The following ZP3 variants were observed in gnomAD, a reference collection of about 807,000 sequenced individuals.
ZP3 encodes the protein zona pellucida glycoprotein 3, also known as zona pellucida sperm-binding protein 3.
In ZP3, 21 loss-of-function variants were observed where a neutral mutation model predicts 35.6. That is an observed-to-expected ratio of 0.59 (90% CI 0.42 to 0.85). ZP3 has a LOEUF of 0.85. Among genes scored for constraint, ZP3 ranks in the 40% least tolerant of loss-of-function variants. The probability of loss-of-function intolerance (pLI) is 0.00; values close to 1 mark genes in which losing one functional copy is unlikely to be tolerated. For synonymous variants in ZP3, 207 were observed against 214.5 expected, an observed-to-expected ratio of 0.96 and a Z score of 0.31; for missense variants, 437 against 536.5, an observed-to-expected ratio of 0.81 and a Z score of 1.83.
intron 1 of ZP3, among the ~76,000 whole-genome samples, chr7:76,403,722 C>G (rs1462775485): frequency 2.0e-5 from 3 of 151,684 alleles, no homozygotes; most frequent in African/African-American, 7.3e-5. Context: ...AGTGCAGTGG[C>G]GTGATCTTGG....
chr7:76,404,341 G>C (rs751387322), intron 1 of ZP3: 10 of 1,612,060 alleles, frequency 6.2e-6, no homozygotes, highest in Non-Finnish European at 8.5e-6. Flanking sequence ...ACAGGGCTTG[G>C]GGGAGGAAGG....
In ZP3 at chr7:76,440,270, G is replaced by A. The variant is rs1321292873; in HGVS notation, c.852G>A (p.Leu284=). Residue 284 remains leucine (L), a synonymous_variant, in exon 6 of 8, where the codon CTG becomes CTA. Transcript: ENST00000394857. ...SRNMIYITCH[L]KVTLAEQDPD... The stretch of plus-strand genomic sequence containing the variant: ...TGCAGATATACATCACCTGCCACCT[G>A]AAGGTCACCCTAGCTGAGCAGGACC... The A allele has an allele frequency of 6.2e-7, 1 of 1,610,984 alleles. No individual in the cohort carries two copies. Among genetic ancestry groups the A allele is most frequent in the Non-Finnish European group, 8.5e-7 (1 of 1,178,832 alleles).
chr7:76,414,580 T>C (rs2115846824), intron 1 of ZP3, among the ~76,000 whole-genome samples: 1 of 151,316 alleles, frequency 6.6e-6, no homozygotes, highest in East Asian at 2.0e-4. Flanking sequence ...GGGAGGTCAG[T>C]AACACTCAAG....
At chr7:76,418,006 C>T (rs576132779) in intron 1 of ZP3, among the ~76,000 whole-genome samples, 4 of 150,168 alleles carry the variant, frequency 2.7e-5, no homozygotes, top group East Asian at 2.0e-4. Flanking sequence ...GACACAATCT[C>T]GGCTCACTGC....
At chr7:76,398,755 C>T (rs1355276577) in intron 1 of ZP3, 1 of 1,613,556 alleles carries the variant, frequency 6.2e-7, no homozygotes, top group Non-Finnish European at 8.5e-7. Context: ...AGGTGCTCTA[C>T]TGGTTAACAT....
At chr7:76,423,029 A>AGAGAGAGAGAGAGAGAG (rs767704641), upstream of ZP3, among the ~76,000 whole-genome samples, 50 of 55,540 alleles carry the variant, frequency 9.0e-4, 1 homozygote, top group Non-Finnish European at 1.3e-3. Context: ...GAGAGAGAGA[A>AGAGAGAGAGAGAGAGAG]AGAAAGAAAG....
exon 1 of ZP3, chr7:76,397,723 CG>C: frequency 6.2e-7 from 1 of 1,613,344 alleles, no homozygotes; most frequent in Non-Finnish European, 8.5e-7. Context: ...CAGCGGCATC[CG>C]GCAGCCCCCA....
intron 5 of ZP3, 80 bp downstream of exon 5, chr7:76,434,235 C>T: frequency 1.8e-6 from 1 of 564,344 alleles, no homozygotes; most frequent in Non-Finnish European, 3.1e-6. Flanking sequence ...ACTAGCTCCA[C>T]CCCTAAGCAA....
chr7:76,420,296 A>G (rs1805477233), upstream of ZP3, among the ~76,000 whole-genome samples: 1 of 152,150 alleles, frequency 6.6e-6, no homozygotes. Flanking sequence ...TGCTGGGATT[A>G]TAGGTGTGAG....
chr7:76,400,435 C>T (rs773593386), intron 1 of ZP3: 32 of 1,606,884 alleles, frequency 2.0e-5, no homozygotes, highest in African/African-American at 4.0e-5. Flanking sequence ...GGCAAGGGGC[C>T]GTGGCACGGG....
chr7:76,422,929 G>C (rs187414197), upstream of ZP3, among the ~76,000 whole-genome samples: 1 of 150,362 alleles, frequency 6.7e-6, no homozygotes, highest in South Asian at 2.1e-4. Flanking sequence ...CCCAGGAGGC[G>C]GAGGTTGCAG....
chr7:76,430,906 C>A (rs542197328), intron 2 of ZP3, among the ~76,000 whole-genome samples: 1 of 152,270 alleles, frequency 6.6e-6, no homozygotes, highest in African/African-American at 2.4e-5. Context: ...GGCCACACAC[C>A]CAACGGGAGG....
chr7:76,405,313 A>ATATATATG (rs1563687005), intron 1 of ZP3, among the ~76,000 whole-genome samples: 3 of 34,368 alleles, frequency 8.7e-5, no homozygotes, highest in Admixed American at 3.2e-4. Flanking sequence ...ATATATATAT[A>ATATATATG]TATGTATTTT....
At chr7:76,429,752 C>T in intron 2 of ZP3, 119 bp downstream of exon 2, 1 of 845,982 alleles carries the variant, frequency 1.2e-6, no homozygotes. Flanking sequence ...CCTACCGAAG[C>T]ATTTGCAGCT....
upstream of ZP3, among the ~76,000 whole-genome samples, chr7:76,423,079 G>GAAAGAAAGAAAGAAAGA (rs1805563080): frequency 7.2e-6 from 1 of 138,508 alleles, no homozygotes; most frequent in Admixed American, 7.4e-5. Context: ...AAGAAAGAAA[G>GAAAGAAAGAAAGAAAGA]AAAGAAAAGA....
intron 5 of ZP3, among the ~76,000 whole-genome samples, chr7:76,436,030 CTTTTTTTT>C (rs60553917): frequency 4.0e-3 from 294 of 74,320 alleles, no homozygotes; most frequent in Middle Eastern, 7.6e-3. Context: ...CCCCCGCCCC[CTTTTTTTT>C]TTTTTTTTTT....
At chr7:76,417,218 C>T (rs185283482) in intron 1 of ZP3, among the ~76,000 whole-genome samples, 43 of 151,858 alleles carry the variant, frequency 2.8e-4, no homozygotes, top group African/African-American at 8.9e-4. Context: ...CCACCATGCC[C>T]GGCTAATTTG....
chr7:76,397,806 C>T (rs1422522448), intron 1 of ZP3: 1 of 1,597,516 alleles, frequency 6.3e-7, no homozygotes, highest in African/African-American at 1.3e-5. Context: ...AGGTTCGCGC[C>T]CCCTACCAGG....
At chr7:76,427,048 C>T (rs1805684829) in intron 1 of ZP3, among the ~76,000 whole-genome samples, 1 of 152,098 alleles carries the variant, frequency 6.6e-6, no homozygotes, top group Admixed American at 6.6e-5. Flanking sequence ...GAGCAAGACC[C>T]TCTTTTATTA....
Sources: gnomAD v4.1 joint callset for allele counts (sites outside exome capture counted in the v4.1 genomes callset) on GRCh38, gnomAD v4.1.1 for gene constraint, MANE v1.5 for transcripts, NCBI Gene and HGNC (gene_info 2026-07-23, HGNC 2026-07-21) for gene names.